Variants in HAPLN1 observed in about 807,000 individuals in gnomAD.
The protein encoded by HAPLN1 is hyaluronan and proteoglycan link protein 1.
In HAPLN1, 13 loss-of-function variants were observed where a neutral mutation model predicts 36.5. The observed-to-expected ratio is 0.36, with a 90% CI of 0.23 to 0.57. The LOEUF (loss-of-function observed/expected upper bound fraction) is 0.57, where lower values mean the gene tolerates loss of function less well. Among genes scored for constraint, HAPLN1 ranks in the 20% least tolerant of loss-of-function variants. HAPLN1 has a pLI of 0.83. For synonymous variants in HAPLN1, 202 were observed against 169.8 expected, an observed-to-expected ratio of 1.19 and a Z score of -1.48; for missense variants, 407 against 439.7, an observed-to-expected ratio of 0.93 and a Z score of 0.66.
intron 1 of HAPLN1, among the ~76,000 whole-genome samples, chr5:83,689,816 GC>G (rs1408798864): frequency 6.6e-6 from 1 of 152,034 alleles, no homozygotes; most frequent in South Asian, 2.1e-4. Context: ...ACACACACAT[GC>G]CCCAAATTAA....
At chr5:83,701,849 C>T (rs1440339886) in intron 1 of HAPLN1, among the ~76,000 whole-genome samples, 2 of 151,952 alleles carry the variant, frequency 1.3e-5, no homozygotes, top group Admixed American at 6.6e-5. Flanking sequence ...TTGCTTGAAC[C>T]CGGGAGACGG....
intron 2 of HAPLN1, among the ~76,000 whole-genome samples, chr5:83,656,683 A>C (rs1750227648): frequency 6.6e-6 from 1 of 152,188 alleles, no homozygotes; most frequent in South Asian, 2.1e-4. Flanking sequence ...AGTGACAATG[A>C]CTTGAAAGAT....
intron 1 of HAPLN1, among the ~76,000 whole-genome samples, chr5:83,700,158 C>T (rs1399404518): frequency 6.9e-6 from 1 of 143,918 alleles, no homozygotes; most frequent in African/African-American, 2.6e-5. Context: ...TGCGCCACTG[C>T]ACTGTAGCCT....
chr5:83,654,743 T>G (rs1162645773), intron 2 of HAPLN1, among the ~76,000 whole-genome samples: 2 of 152,224 alleles, frequency 1.3e-5, no homozygotes, highest in African/African-American at 4.8e-5. Flanking sequence ...AATGCCTAAA[T>G]GCACTGGCAT....
intron 2 of HAPLN1, among the ~76,000 whole-genome samples, chr5:83,657,188 C>T (rs1160999767): frequency 7.2e-5 from 11 of 151,796 alleles, no homozygotes; most frequent in Non-Finnish European, 1.2e-4. Flanking sequence ...CACTGCCTCC[C>T]GGGTTCAAGC....
rs1405769939 is a variant in HAPLN1 at position 83,640,711 on chromosome 5, G to T, written c.*785C>A. Reference sequence around the variant, plus strand: ...AATGCTGCTTAGCAAATGGCCCTTAGAATTTAAATACAACTCGGTAAAGCT... The same window carrying T: ...AATGCTGCTTAGCAAATGGCCCTTATAATTTAAATACAACTCGGTAAAGCT... On this transcript the variant is annotated 3_prime_UTR_variant, in exon 5 of 5. Transcript: ENST00000274341. The T allele has an allele frequency of 1.3e-5, 2 of 152,078 alleles. No individual in the cohort carries two copies. The highest frequency in any genetic ancestry group is 2.9e-5 in the Non-Finnish European group (2 of 68,010). 9.4% of individuals were successfully genotyped at this position (152,078 alleles called of 1,614,324 possible).
intron 1 of HAPLN1, among the ~76,000 whole-genome samples, chr5:83,675,758 T>C (rs1175127666): frequency 2.0e-5 from 3 of 152,186 alleles, no homozygotes; most frequent in Non-Finnish European, 4.4e-5. Flanking sequence ...ATGGAATGTC[T>C]ACTGTTCGCC....
At chr5:83,649,867 A>G (rs757269539) in intron 3 of HAPLN1, among the ~76,000 whole-genome samples, 4 of 152,232 alleles carry the variant, frequency 2.6e-5, no homozygotes, top group Admixed American at 6.5e-5. Flanking sequence ...TTTACTGAGC[A>G]TGAATTCTGT....
chr5:83,659,365 G>A (rs1750316902), intron 2 of HAPLN1, among the ~76,000 whole-genome samples: 1 of 152,106 alleles, frequency 6.6e-6, no homozygotes, highest in Non-Finnish European at 1.5e-5. Flanking sequence ...AGGAGTATGT[G>A]TGCTTCTTAC....
chr5:83,668,475 A>T (rs1247809128), intron 2 of HAPLN1, among the ~76,000 whole-genome samples: 1 of 152,226 alleles, frequency 6.6e-6, no homozygotes, highest in Non-Finnish European at 1.5e-5. Flanking sequence ...ATTGGTCTAG[A>T]CAATCGCTAC....
At chr5:83,676,668 C>A (rs2112603763) in intron 1 of HAPLN1, among the ~76,000 whole-genome samples, 1 of 152,272 alleles carries the variant, frequency 6.6e-6, no homozygotes, top group South Asian at 2.1e-4. Flanking sequence ...CATGCCTCCT[C>A]TTAATGTCTA....
At chr5:83,663,311 T>A (rs1164543542) in intron 2 of HAPLN1, among the ~76,000 whole-genome samples, 1 of 152,178 alleles carries the variant, frequency 6.6e-6, no homozygotes, top group Admixed American at 6.5e-5. Context: ...TTTAAAATTT[T>A]AAAAAATCAT....
intron 1 of HAPLN1, among the ~76,000 whole-genome samples, chr5:83,711,375 T>C (rs1751781700): frequency 6.6e-6 from 1 of 152,224 alleles, no homozygotes; most frequent in African/African-American, 2.4e-5. Context: ...TTTACTTTTC[T>C]TAGCAGTTCC....
At chr5:83,671,400 A>G (rs1750715346) in intron 2 of HAPLN1, among the ~76,000 whole-genome samples, 1 of 152,234 alleles carries the variant, frequency 6.6e-6, no homozygotes, top group South Asian at 2.1e-4. Flanking sequence ...TAAATTCTTC[A>G]AAAAATTTGT....
At chr5:83,697,685 C>A (rs999438427) in intron 1 of HAPLN1, among the ~76,000 whole-genome samples, 1 of 152,138 alleles carries the variant, frequency 6.6e-6, no homozygotes, top group Non-Finnish European at 1.5e-5. Context: ...CTCTCCACAT[C>A]CTCACTGACA....
At position 83,652,603 on chromosome 5, in the gene HAPLN1, A is replaced by G; in HGVS notation, c.322T>C (p.Tyr108His). ...MGYHKKTYGG[Y>H]QGRVFLKGGS... Reference sequence around the variant, plus strand: ...CCCTTCAGAAACACTCTACCCTGGTAGCCTCCATAGGTTTTTTTGTGGTAT... The same window carrying G: ...CCCTTCAGAAACACTCTACCCTGGTGGCCTCCATAGGTTTTTTTGTGGTAT... Residue 108 changes from tyrosine (Y) to histidine (H), a missense_variant, in exon 3 of 5, where the codon TAC becomes CAC. Transcript: ENST00000274341. 5 of 1,614,184 alleles carry G rather than the reference A, an allele frequency of 3.1e-6. No individual in the cohort carries two copies. Among genetic ancestry groups the G allele is most frequent in the Non-Finnish European group, 4.2e-6 (5 of 1,180,012 alleles).
intron 2 of HAPLN1, 49 bp from the exon 3 acceptor site, chr5:83,652,873 C>A: frequency 6.9e-7 from 1 of 1,440,112 alleles, no homozygotes; most frequent in Non-Finnish European, 9.3e-7. Flanking sequence ...AATATACTTT[C>A]AGACATTTTC....
intron 1 of HAPLN1, among the ~76,000 whole-genome samples, chr5:83,705,405 A>G (rs1051767281): frequency 7.9e-5 from 12 of 151,526 alleles, no homozygotes; most frequent in African/African-American, 1.9e-4. Context: ...AAAAAAAAAA[A>G]AAAAGAAAGA....
chr5:83,679,264 C>T (rs1269818454), intron 1 of HAPLN1, among the ~76,000 whole-genome samples: 1 of 152,058 alleles, frequency 6.6e-6, no homozygotes, highest in Non-Finnish European at 1.5e-5. Flanking sequence ...CTTGTGGCTT[C>T]TTTTCTAATT....
Sources: gnomAD v4.1 joint callset for allele counts (sites outside exome capture counted in the v4.1 genomes callset) on GRCh38, gnomAD v4.1.1 for gene constraint, MANE v1.5 for transcripts, NCBI Gene and HGNC (gene_info 2026-07-23, HGNC 2026-07-21) for gene names.